Variants in PLXNA4 observed in about 807,000 individuals in gnomAD.
The protein encoded by PLXNA4 is plexin A4, also known as plexin-A4.
A neutral mutation model predicts 191.8 loss-of-function variants in PLXNA4; 44 were observed. The observed-to-expected ratio is 0.23, with a 90% CI of 0.18 to 0.29. The LOEUF is 0.29. Among genes scored for constraint, PLXNA4 ranks in the 10% least tolerant of loss-of-function variants. PLXNA4 has a pLI of 1.00. For missense variants in PLXNA4, 1,800 were observed against 2,488.8 expected (o/e 0.72, Z 5.89); for synonymous variants, 1,082 against 1,009.5 (o/e 1.07, Z -1.36).
At chr7:132,602,402 C>G (rs113980451) in intron 2 of PLXNA4, among the ~76,000 whole-genome samples, 2 of 152,274 alleles carry the variant, frequency 1.3e-5, no homozygotes, top group African/African-American at 4.8e-5. Flanking sequence ...CCTATACGAC[C>G]AAGAGACCAT....
rs147390657 is a variant in PLXNA4 at position 132,171,441 on chromosome 7, G to A, written c.4018-2869C>T. ...AGCCCTACCCCTGGGCTTGAGAGTT[G>A]TCTGAAAGCCAACTCGGATGTCTCT... On this transcript the variant is annotated intron_variant, in intron 21 of 31. Coordinates refer to ENST00000321063, the MANE Select transcript of PLXNA4 (RefSeq NM_020911.2). 7.4e-3 allele frequency among the ~76,000 whole-genome samples: 1,134 copies of A among 152,298 alleles called. 7 individuals are homozygous for A. Among genetic ancestry groups the A allele is most frequent in the Non-Finnish European group, 0.013 (881 of 68,034 alleles).
chr7:132,620,705 G>T (rs1265949333), intron 2 of PLXNA4, among the ~76,000 whole-genome samples: 1 of 152,090 alleles, frequency 6.6e-6, no homozygotes, highest in Non-Finnish European at 1.5e-5. Flanking sequence ...GATACCTTTT[G>T]CTCTGCTACT....
At chr7:132,167,236 TC>T (rs1231579648) in intron 22 of PLXNA4, among the ~76,000 whole-genome samples, 1 of 152,128 alleles carries the variant, frequency 6.6e-6, no homozygotes, top group Non-Finnish European at 1.5e-5. Context: ...AGTTTCTAAT[TC>T]CTATAAGGCG....
rs1797896347 is a variant in PLXNA4 at position 132,493,747 on chromosome 7, G to GTGGATGGGTGGA, written c.1189-4274_1189-4273insTCCACCCATCCA. Among the ~76,000 whole-genome samples, 21 of 146,520 alleles carry GTGGATGGGTGGA rather than the reference G, an allele frequency of 1.4e-4. No homozygotes were observed. The South Asian group carries it at 2.7e-3, about 19-fold the overall frequency. On this transcript the variant is annotated intron_variant, in intron 2 of 31. Transcript: ENST00000321063. Reference sequence around the variant, plus strand: ...GGTGGATGGGTGGATGGGTGGATGGGTGGATGGATGGATGGATGGATGGAT... The same window carrying GTGGATGGGTGGA: ...GGTGGATGGGTGGATGGGTGGATGGGTGGATGGGTGGATGGATGGATGGATGGATGGATGGAT...
At chr7:132,395,293 G>T (rs1413763023) in intron 3 of PLXNA4, among the ~76,000 whole-genome samples, 1 of 152,198 alleles carries the variant, frequency 6.6e-6, no homozygotes, top group African/African-American at 2.4e-5. Flanking sequence ...TGGCATGGCT[G>T]AGGACAAGGG....
intron 4 of PLXNA4, among the ~76,000 whole-genome samples, chr7:132,273,093 T>C (rs1800137413): frequency 6.6e-6 from 1 of 152,176 alleles, no homozygotes; most frequent in Non-Finnish European, 1.5e-5. Flanking sequence ...ATTGAACAAA[T>C]GCATTTGCCT....
At chr7:132,496,327 T>TATC (rs1798008933) in intron 2 of PLXNA4, among the ~76,000 whole-genome samples, 3 of 152,304 alleles carry the variant, frequency 2.0e-5, no homozygotes, top group Middle Eastern at 3.4e-3. Context: ...CCTAGTTACC[T>TATC]ATCAAGTTGC....
chr7:132,278,640 G>T (rs538255413), intron 4 of PLXNA4, among the ~76,000 whole-genome samples: 1 of 152,276 alleles, frequency 6.6e-6, no homozygotes, highest in East Asian at 1.9e-4. Context: ...ACTTGCCAGC[G>T]GCTGCATGGG....
chr7:132,550,670 C>T (rs952594606), intron 1 of PLXNA4, among the ~76,000 whole-genome samples: 1 of 152,216 alleles, frequency 6.6e-6, no homozygotes, highest in Non-Finnish European at 1.5e-5. Flanking sequence ...CCTCCCCTCC[C>T]TCAAGGCTTC....
chr7:132,544,831 T>C (rs1050515669), intron 1 of PLXNA4, among the ~76,000 whole-genome samples: 16 of 152,324 alleles, frequency 1.1e-4, no homozygotes, highest in African/African-American at 3.6e-4. Context: ...ACTTTCACTT[T>C]CATTGCAAAG....
At chr7:132,302,454 A>G (rs1423603376) in intron 3 of PLXNA4, among the ~76,000 whole-genome samples, 2 of 152,114 alleles carry the variant, frequency 1.3e-5, no homozygotes, top group African/African-American at 4.8e-5. Context: ...GAATAAATGT[A>G]AAACAACCAC....
At chr7:132,259,014 T>C (rs887070841) in intron 4 of PLXNA4, among the ~76,000 whole-genome samples, 1 of 152,210 alleles carries the variant, frequency 6.6e-6, no homozygotes, top group Non-Finnish European at 1.5e-5. Context: ...TTATTGCTTG[T>C]GTGCCACGGT....
chr7:132,630,351 G>A lies in PLXNA4; in HGVS notation c.-87+15577C>T, dbSNP rs112443299. 6.2e-3 allele frequency among the ~76,000 whole-genome samples: 938 copies of A among 152,262 alleles called. 9 individuals are homozygous for A. Among genetic ancestry groups the A allele is most frequent in the Non-Finnish European group, 9.6e-3 (656 of 68,026 alleles). On this transcript the variant is annotated intron_variant, in intron 2 of 4. Transcript: ENST00000378539. ...ATAACAGAAAACTTCAGACTCTATT[G>A]CCTCTGACTTCTGATTCTTTCTGAA...
chr7:132,292,581 A>G (rs117030383), intron 4 of PLXNA4, among the ~76,000 whole-genome samples: 1 of 152,350 alleles, frequency 6.6e-6, no homozygotes, highest in East Asian at 1.9e-4. Flanking sequence ...GCTGCTCTTC[A>G]TCACAAACAG....
intron 3 of PLXNA4, among the ~76,000 whole-genome samples, chr7:132,388,300 C>T (rs952836473): frequency 2.0e-5 from 3 of 152,046 alleles, no homozygotes; most frequent in African/African-American, 7.2e-5. Flanking sequence ...CCCTTCTGCC[C>T]CAAATCACTA....
chr7:132,499,445 G>T (rs12669062), intron 2 of PLXNA4, among the ~76,000 whole-genome samples: 4,917 of 152,264 alleles, frequency 0.032, 206 homozygotes, highest in East Asian at 0.23. Context: ...AAACCTACTG[G>T]GGTGCCACCT....
intron 3 of PLXNA4, chr7:132,384,387 G>A (rs1727216975): frequency 3.0e-6 from 3 of 985,584 alleles, no homozygotes; most frequent in Non-Finnish European, 3.6e-6. Flanking sequence ...GACACCAAGT[G>A]TTTCCACTTC....
intron 3 of PLXNA4, among the ~76,000 whole-genome samples, chr7:132,345,701 G>T (rs890911937): frequency 5.9e-5 from 9 of 152,156 alleles, no homozygotes; most frequent in Non-Finnish European, 1.3e-4. Context: ...GGCCCCAGGG[G>T]CTCCAGTGTC....
chr7:132,516,706 C>T (rs1415251675), intron 1 of PLXNA4, among the ~76,000 whole-genome samples: 4 of 152,152 alleles, frequency 2.6e-5, no homozygotes, highest in African/African-American at 9.7e-5. Context: ...GCCTGTAATC[C>T]TAGCACTTTG....
Sources: allele counts gnomAD v4.1 joint callset (sites outside exome capture counted in the v4.1 genomes callset), GRCh38; gene constraint gnomAD v4.1.1; transcripts MANE v1.5; gene names NCBI Gene and HGNC (gene_info 2026-07-23, HGNC 2026-07-21).